The following CPNE4 variants were observed in gnomAD, a reference collection of about 807,000 sequenced individuals.
CPNE4 encodes the protein copine 4.
Under a neutral mutation model 67.9 loss-of-function variants are expected in CPNE4, and 25 were observed. The observed-to-expected ratio is 0.37, with a 90% CI of 0.27 to 0.51. The LOEUF (loss-of-function observed/expected upper bound fraction) is 0.51, where lower values mean the gene tolerates loss of function less well. CPNE4 is among the 20% of genes least tolerant of loss of function. CPNE4 has a pLI of 0.93. For missense variants in CPNE4, 464 were observed against 690.8 expected (o/e 0.67, Z 3.68); for synonymous variants, 242 against 244.9 (o/e 0.99, Z 0.11).
At chr3:131,747,891 A>G (rs2107791607) in intron 2 of CPNE4, among the ~76,000 whole-genome samples, 1 of 152,272 alleles carries the variant, frequency 6.6e-6, no homozygotes, top group Non-Finnish European at 1.5e-5. Context: ...ACAATATTGA[A>G]AAAGAGTAGT....
At chr3:131,849,809 C>G (rs2086165820) in intron 2 of CPNE4, among the ~76,000 whole-genome samples, 1 of 152,072 alleles carries the variant, frequency 6.6e-6, no homozygotes, top group Non-Finnish European at 1.5e-5. Context: ...GTGAAGGAGC[C>G]CAGCCTAAAT....
At chr3:131,627,827 A>C (rs1023876870) in intron 7 of CPNE4, among the ~76,000 whole-genome samples, 1 of 152,252 alleles carries the variant, frequency 6.6e-6, no homozygotes, top group African/African-American at 2.4e-5. Context: ...GAATTGCTGC[A>C]ATTTCATAAT....
chr3:131,679,870 G>C (rs1384307128), intron 6 of CPNE4, among the ~76,000 whole-genome samples: 1 of 152,120 alleles, frequency 6.6e-6, no homozygotes. Flanking sequence ...TTTAGAGTAA[G>C]TGCCATGTGG....
At chr3:132,011,005 C>T (rs1165673558) in intron 1 of CPNE4, among the ~76,000 whole-genome samples, 1 of 152,212 alleles carries the variant, frequency 6.6e-6, no homozygotes, top group Non-Finnish European at 1.5e-5. Flanking sequence ...CAAATTAAAG[C>T]TCCAAGGCTA....
chr3:131,928,509 T>A (rs927988482), intron 1 of CPNE4, among the ~76,000 whole-genome samples: 2 of 152,110 alleles, frequency 1.3e-5, no homozygotes, highest in Admixed American at 1.3e-4. Flanking sequence ...ATAGTGCAAA[T>A]CACCCATCTG....
rs987173187 is a variant in CPNE4 at position 131,712,847 on chromosome 3, T to G, written c.360+10599A>C. 2.0e-5 allele frequency among the ~76,000 whole-genome samples: 3 copies of G among 152,236 alleles called. No individual in the cohort carries two copies. The South Asian group carries it at 6.2e-4, about 31-fold the overall frequency. On this transcript the variant is annotated intron_variant, in intron 3 of 15. Transcript: ENST00000429747. ...AGGGCTGAATGATTGGAAGAGTATG[T>G]GTAAATGCCATGGAGATAGCGATCT...
intron 7 of CPNE4, among the ~76,000 whole-genome samples, chr3:131,595,858 A>G (rs984332314): frequency 6.6e-6 from 1 of 152,134 alleles, no homozygotes; most frequent in African/African-American, 2.4e-5. Context: ...CGTGGAGAAC[A>G]TTATGTTAAG....
chr3:131,956,085 G>A (rs371282918), intron 1 of CPNE4, among the ~76,000 whole-genome samples: 37 of 135,506 alleles, frequency 2.7e-4, no homozygotes, highest in African/African-American at 7.9e-4. Context: ...AATTCTTCTC[G>A]TATTTTTTAA....
At chr3:131,977,378 T>C (rs954717602) in intron 1 of CPNE4, among the ~76,000 whole-genome samples, 4 of 152,156 alleles carry the variant, frequency 2.6e-5, no homozygotes, top group African/African-American at 7.2e-5. Flanking sequence ...TAATTAGCTA[T>C]GACAGCACCT....
chr3:131,801,429 T>TATGTGTGTGC, intron 2 of CPNE4, among the ~76,000 whole-genome samples: 1 of 83,960 alleles, frequency 1.2e-5, no homozygotes, highest in South Asian at 4.7e-4. Flanking sequence ...TGTGTGTGTG[T>TATGTGTGTGC]GTGTGTGTGT....
intron 1 of CPNE4, among the ~76,000 whole-genome samples, chr3:131,999,474 C>T (rs1294976274): frequency 1.3e-5 from 2 of 151,892 alleles, no homozygotes; most frequent in Non-Finnish European, 1.5e-5. Flanking sequence ...TATATGTTTC[C>T]ATTTATATGA....
intron 7 of CPNE4, among the ~76,000 whole-genome samples, chr3:131,635,123 T>C (rs762327909): frequency 6.6e-6 from 1 of 152,198 alleles, no homozygotes; most frequent in Non-Finnish European, 1.5e-5. Flanking sequence ...TTTTCCACGA[T>C]TTTTCTCAAA....
chr3:132,036,817 T>C (rs2074347671), upstream of CPNE4, among the ~76,000 whole-genome samples: 1 of 152,202 alleles, frequency 6.6e-6, no homozygotes, highest in African/African-American at 2.4e-5. Flanking sequence ...TTAGGGACCA[T>C]TCAACATAAA....
Position 131,899,407 on chromosome 3 carries a change from C to CT in CPNE4, c.180+5856dup, listed in dbSNP as rs1404058927. On this transcript the variant is annotated intron_variant, in intron 2 of 15. Transcript: ENST00000429747. ...GGAGTTTTATGAAAAATCTCATGAT[C>CT]TTTGAGTTACGGCAATTACTACAAA... 3.3e-5 allele frequency among the ~76,000 whole-genome samples: 5 copies of CT among 152,098 alleles called. No individual in the cohort carries two copies. The East Asian group carries it at 5.8e-4, about 18-fold the overall frequency.
intron 1 of CPNE4, among the ~76,000 whole-genome samples, chr3:131,975,894 T>C (rs550916922): frequency 9.2e-5 from 14 of 152,028 alleles, no homozygotes; most frequent in Non-Finnish European, 1.8e-4. Context: ...CTTGTAACAG[T>C]GAAATAAACA....
At chr3:131,588,995 C>A (rs912574662) in intron 7 of CPNE4, among the ~76,000 whole-genome samples, 1 of 152,198 alleles carries the variant, frequency 6.6e-6, no homozygotes, top group African/African-American at 2.4e-5. Flanking sequence ...CTTCCAAGGT[C>A]TTTCATGATC....
chr3:131,832,059 G>A (rs1389333647), intron 2 of CPNE4, among the ~76,000 whole-genome samples: 1 of 152,108 alleles, frequency 6.6e-6, no homozygotes, highest in Non-Finnish European at 1.5e-5. Context: ...GTCAACATGA[G>A]TTCTCATTGT....
chr3:132,029,128 T>C (rs1317968424), intron 1 of CPNE4, among the ~76,000 whole-genome samples: 1 of 152,110 alleles, frequency 6.6e-6, no homozygotes, highest in African/African-American at 2.4e-5. Context: ...TAGCCCAAAT[T>C]TAAACAAGGT....
chr3:131,797,953 G>T (rs1335493450), intron 2 of CPNE4, among the ~76,000 whole-genome samples: 1 of 152,076 alleles, frequency 6.6e-6, no homozygotes, highest in Admixed American at 6.6e-5. Flanking sequence ...CGCCAATTTG[G>T]TTCCCAGTGA....
Sources: gnomAD v4.1 joint callset for allele counts (sites outside exome capture counted in the v4.1 genomes callset) on GRCh38, gnomAD v4.1.1 for gene constraint, MANE v1.5 for transcripts, NCBI Gene and HGNC (gene_info 2026-07-23, HGNC 2026-07-21) for gene names.